Variants in PCDH7 observed in about 807,000 individuals in gnomAD.
PCDH7 encodes the protein protocadherin 7, also known as protocadherin-7.
PCDH7 carries 17 observed loss-of-function variants against 58.9 expected under a neutral mutation model. That is an observed-to-expected ratio of 0.29 (90% CI 0.20 to 0.43). PCDH7 has a LOEUF of 0.43. Ranked by LOEUF, PCDH7 falls within the 20% of genes least tolerant of loss-of-function variation. The probability of loss-of-function intolerance (pLI) is 1.00; values close to 1 mark genes in which losing one functional copy is unlikely to be tolerated. For synonymous variants in PCDH7, 664 were observed against 616.4 expected (o/e 1.08, Z -1.14); for missense variants, 1,274 against 1,441.0 (o/e 0.88, Z 1.88).
chr4:31,129,754 T>C (rs1468214592), intron 3 of PCDH7, among the ~76,000 whole-genome samples: 1 of 152,064 alleles, frequency 6.6e-6, no homozygotes, highest in African/African-American at 2.4e-5. Flanking sequence ...GGCCTCGGCC[T>C]CCTGAGTAGC....
intron 1 of PCDH7, among the ~76,000 whole-genome samples, chr4:30,773,477 A>G (rs1332915357): frequency 6.6e-6 from 1 of 151,994 alleles, no homozygotes; most frequent in East Asian, 1.9e-4. Flanking sequence ...TTTTTTGGAT[A>G]AACCTTCTAT....
chr4:31,011,029 C>A (rs1258664382), intron 3 of PCDH7, among the ~76,000 whole-genome samples: 1 of 151,804 alleles, frequency 6.6e-6, no homozygotes, highest in Admixed American at 6.6e-5. Context: ...TTTCTTGGAC[C>A]TGCATGAAAA....
intron 1 of PCDH7, among the ~76,000 whole-genome samples, chr4:30,774,178 C>A (rs761471103): frequency 3.3e-5 from 5 of 152,098 alleles, no homozygotes; most frequent in African/African-American, 4.8e-5. Flanking sequence ...CCACCCATAC[C>A]CAGGAGGGTG....
chr4:31,032,644 C>T (rs1755035080), intron 3 of PCDH7, among the ~76,000 whole-genome samples: 1 of 95,836 alleles, frequency 1.0e-5, no homozygotes, highest in African/African-American at 4.4e-5. Context: ...AAGAAAGCGA[C>T]AGAGAGAGAG....
intron 3 of PCDH7, among the ~76,000 whole-genome samples, chr4:31,110,304 T>C (rs1486518153): frequency 6.6e-6 from 1 of 152,196 alleles, no homozygotes; most frequent in Non-Finnish European, 1.5e-5. Flanking sequence ...CAAAGCTGCT[T>C]AGTGGAAAGA....
chr4:30,924,272 C>A (rs989584176), intron 2 of PCDH7, among the ~76,000 whole-genome samples: 2 of 152,152 alleles, frequency 1.3e-5, no homozygotes, highest in Admixed American at 6.5e-5. Flanking sequence ...CCTTGCTTGG[C>A]TTCTCATCTC....
chr4:30,894,279 T>C (rs1480426487), intron 1 of PCDH7, among the ~76,000 whole-genome samples: 1 of 150,948 alleles, frequency 6.6e-6, no homozygotes, highest in Non-Finnish European at 1.5e-5. Context: ...CTTTGCTACT[T>C]TTAAAGTCCT....
At chr4:30,885,564 G>A (rs958761105) in intron 1 of PCDH7, among the ~76,000 whole-genome samples, 15 of 151,756 alleles carry the variant, frequency 9.9e-5, no homozygotes, top group African/African-American at 3.1e-4. Flanking sequence ...TAAAAGCTCT[G>A]CAATGCCATC....
intron 3 of PCDH7, among the ~76,000 whole-genome samples, chr4:31,023,603 C>T (rs1000196276): frequency 6.6e-6 from 1 of 152,092 alleles, no homozygotes; most frequent in South Asian, 2.1e-4. Flanking sequence ...ACTAAAACAA[C>T]GTAAGTATGA....
chr4:30,724,349 G>A, exon 1 of PCDH7: 1 of 1,614,110 alleles, frequency 6.2e-7, no homozygotes, highest in Non-Finnish European at 8.5e-7. Context: ...GACAGCCCAA[G>A]CATGGGGCGA....
In PCDH7 at chr4:30,897,704, C is replaced by T. The variant is rs142614826; in HGVS notation, c.71-22449C>T. Among the ~76,000 whole-genome samples, 872 of 152,042 alleles carry T rather than the reference C, an allele frequency of 5.7e-3. 16 individuals are homozygous for T. The highest frequency in any genetic ancestry group is 0.02 in the African/African-American group (843 of 41,470). On this transcript the variant is annotated intron_variant, in intron 1 of 3. Transcript: ENST00000509759. ...AGAGAGTAAATGTAATCAGGTTAGC[C>T]GAACTAATTAAAGCACACATAGCTG... is the stretch of plus-strand genomic sequence containing the variant.
At chr4:31,023,029 T>C (rs1282624314) in intron 3 of PCDH7, among the ~76,000 whole-genome samples, 1 of 152,158 alleles carries the variant, frequency 6.6e-6, no homozygotes, top group Non-Finnish European at 1.5e-5. Flanking sequence ...ATTGCGTTCA[T>C]AGGTAAAGGA....
At position 30,925,743 on chromosome 4, in the gene PCDH7, T is replaced by A. The variant is rs149175915; in HGVS notation, c.287+5374T>A. The A allele has an allele frequency of 2.3e-4, 35 of 152,278 alleles. No individual in the cohort carries two copies. The East Asian group carries it at 6.6e-3, about 29-fold the overall frequency. 9.4% of individuals were successfully genotyped at this position (152,278 alleles called of 1,614,324 possible). On this transcript the variant is annotated intron_variant, in intron 2 of 3. Coordinates refer to the PCDH7 transcript ENST00000509759. ...GTGCTATTCACTTTGAATTTCTTCA[T>A]AGTAATATATAGAGAGATGGATTAT...
At chr4:31,048,921 G>A (rs976806214) in intron 3 of PCDH7, among the ~76,000 whole-genome samples, 1 of 151,994 alleles carries the variant, frequency 6.6e-6, no homozygotes, top group Non-Finnish European at 1.5e-5. Context: ...GTATAGTCAG[G>A]ACAAAGACAA....
At chr4:30,783,337 T>A in intron 1 of PCDH7, among the ~76,000 whole-genome samples, 1 of 152,206 alleles carries the variant, frequency 6.6e-6, no homozygotes, top group East Asian at 1.9e-4. Flanking sequence ...AACATCAATT[T>A]GATTTTCTGG....
At chr4:31,100,148 C>A (rs1289647647) in intron 3 of PCDH7, among the ~76,000 whole-genome samples, 1 of 152,076 alleles carries the variant, frequency 6.6e-6, no homozygotes, top group Non-Finnish European at 1.5e-5. Context: ...GCTCCAATTT[C>A]TTTAGCTCAA....
At chr4:31,079,322 A>ATC (rs1396619292) in intron 3 of PCDH7, among the ~76,000 whole-genome samples, 15 of 36,004 alleles carry the variant, frequency 4.2e-4, no homozygotes, top group African/African-American at 2.2e-3. Flanking sequence ...ATATATATAT[A>ATC]TATATATATA....
At chr4:31,070,100 A>G (rs1190181878) in intron 3 of PCDH7, among the ~76,000 whole-genome samples, 1 of 152,048 alleles carries the variant, frequency 6.6e-6, no homozygotes, top group Non-Finnish European at 1.5e-5. Context: ...TTCCGTGCCT[A>G]AAGTGAATTT....
At chr4:30,979,152 C>T (rs1205947848) in intron 3 of PCDH7, among the ~76,000 whole-genome samples, 1 of 151,600 alleles carries the variant, frequency 6.6e-6, no homozygotes, top group Non-Finnish European at 1.5e-5. Flanking sequence ...CAGTGAAACC[C>T]TGTCTCTACG....
Sources: allele counts gnomAD v4.1 joint callset (sites outside exome capture counted in the v4.1 genomes callset), GRCh38; gene constraint gnomAD v4.1.1; transcripts MANE v1.5; gene names NCBI Gene and HGNC (gene_info 2026-07-23, HGNC 2026-07-21).